Variants in METTL15 observed in about 807,000 individuals in gnomAD.
METTL15 encodes 12S rRNA N(4)-cytidine methyltransferase METTL15.
METTL15 carries 34 observed loss-of-function variants against 38.3 expected under a neutral mutation model. The ratio of observed to expected loss-of-function variants is 0.89; its 90% CI spans 0.68 to 1.18. The LOEUF is 1.18. METTL15 is among the 50% of genes most tolerant of loss of function. The pLI is 0.00. For synonymous variants in METTL15, 162 were observed against 170.9 expected (o/e 0.95, Z 0.41); for missense variants, 438 against 498.4 (o/e 0.88, Z 1.15).
chr11:28,421,921 A>G (rs1850823848), intron 5 of METTL15, among the ~76,000 whole-genome samples: 2 of 152,122 alleles, frequency 1.3e-5, no homozygotes, highest in South Asian at 4.1e-4. Context: ...TAATGATATG[A>G]TCTTATATTT....
At chr11:28,512,287 C>T (rs914895385) in intron 6 of METTL15, among the ~76,000 whole-genome samples, 6 of 152,374 alleles carry the variant, frequency 3.9e-5, no homozygotes, top group Admixed American at 1.3e-4. Flanking sequence ...GGATCCCGCA[C>T]CGGGGCAGCA....
At chr11:28,378,620 G>C (rs547710641) in intron 5 of METTL15, among the ~76,000 whole-genome samples, 1 of 152,162 alleles carries the variant, frequency 6.6e-6, no homozygotes, top group Non-Finnish European at 1.5e-5. Context: ...CTTCTTCTGC[G>C]TCGCTCAGGC....
intron 6 of METTL15, among the ~76,000 whole-genome samples, chr11:28,324,762 AC>A (rs1849577292): frequency 6.6e-6 from 1 of 152,124 alleles, no homozygotes; most frequent in Non-Finnish European, 1.5e-5. Context: ...CTCTTTATAG[AC>A]CCACGCTGTC....
At chr11:28,208,677 G>T (rs1229026030) in intron 3 of METTL15, among the ~76,000 whole-genome samples, 1 of 152,042 alleles carries the variant, frequency 6.6e-6, no homozygotes, top group Non-Finnish European at 1.5e-5. Context: ...TTAACTTTTT[G>T]TCTCCTTGAT....
intron 6 of METTL15, among the ~76,000 whole-genome samples, chr11:28,493,630 C>T (rs140679093): frequency 9.2e-4 from 140 of 152,300 alleles, no homozygotes; most frequent in Non-Finnish European, 1.7e-3. Flanking sequence ...CATCAATTCA[C>T]TTGCTGTTCC....
intron 5 of METTL15, among the ~76,000 whole-genome samples, chr11:28,422,329 A>C (rs1227333044): frequency 5.3e-5 from 8 of 152,060 alleles, no homozygotes; most frequent in South Asian, 4.1e-4. Context: ...CAGAAATAGA[A>C]AAAAACAATC....
At chr11:28,366,588 T>C (rs909850916) in intron 5 of METTL15, among the ~76,000 whole-genome samples, 12 of 152,254 alleles carry the variant, frequency 7.9e-5, no homozygotes, top group African/African-American at 2.6e-4. Context: ...GGAGCCTACC[T>C]AGTAGGGCTT....
chr11:28,268,088 T>G (rs1855498772), intron 4 of METTL15, among the ~76,000 whole-genome samples: 2 of 143,500 alleles, frequency 1.4e-5, no homozygotes, highest in Admixed American at 1.5e-4. Context: ...TCCCAGCTAC[T>G]TGGGAGGCTG....
chr11:28,295,327 G>T (rs1856691598), intron 5 of METTL15, among the ~76,000 whole-genome samples: 2 of 152,100 alleles, frequency 1.3e-5, no homozygotes, highest in African/African-American at 4.8e-5. Context: ...AGCAGGACCA[G>T]GATTCTAATC....
At chr11:28,249,725 A>AT (rs762299783) in intron 4 of METTL15, among the ~76,000 whole-genome samples, 1,702 of 147,646 alleles carry the variant, frequency 0.012, 17 homozygotes, top group Middle Eastern at 0.038. Context: ...CACTAAGGAG[A>AT]TTTTTTTTTT....
chr11:28,217,530 T>A (rs1852948406), intron 4 of METTL15, among the ~76,000 whole-genome samples: 1 of 152,172 alleles, frequency 6.6e-6, no homozygotes, highest in South Asian at 2.1e-4. Flanking sequence ...CTGATGGTAG[T>A]TTCTTTTGCT....
intron 5 of METTL15, 103 bp downstream of exon 5, chr11:28,290,500 A>T (rs779523905): frequency 1.1e-6 from 1 of 943,704 alleles, no homozygotes; most frequent in Non-Finnish European, 1.6e-6. Context: ...TTACATGCCT[A>T]CACCTAACAC....
chr11:28,189,547 A>G (rs1405382741), intron 3 of METTL15, among the ~76,000 whole-genome samples: 2 of 151,304 alleles, frequency 1.3e-5, no homozygotes, highest in East Asian at 1.9e-4. Context: ...AATGTGAACA[A>G]ATCTGAATTT....
intron 6 of METTL15, among the ~76,000 whole-genome samples, chr11:28,319,133 G>T (rs1565251221): frequency 6.6e-6 from 1 of 152,098 alleles, no homozygotes; most frequent in Admixed American, 6.6e-5. Context: ...CTTGCAACTC[G>T]ATGCATAGTG....
chr11:28,512,123 A>G (rs1009057152), intron 6 of METTL15, among the ~76,000 whole-genome samples: 91 of 152,264 alleles, frequency 6.0e-4, no homozygotes, highest in South Asian at 1.7e-3. Context: ...CCACTAGATT[A>G]TCTAGATATG....
chr11:28,237,859 A>G (rs1854079283), intron 4 of METTL15, among the ~76,000 whole-genome samples: 2 of 152,152 alleles, frequency 1.3e-5, no homozygotes, highest in South Asian at 2.1e-4. Flanking sequence ...GGAGTTTGCT[A>G]GAGGTCCACT....
chr11:28,110,721 A>G (rs549149908), intron 2 of METTL15, among the ~76,000 whole-genome samples: 90 of 152,298 alleles, frequency 5.9e-4, no homozygotes, highest in African/African-American at 2.1e-3. Context: ...TCCCTGCCAG[A>G]CAAAATTGAC....
In METTL15 at chr11:28,206,443, C is replaced by G. The variant is rs1339523183; in HGVS notation, c.271-4619C>G. Among the ~76,000 whole-genome samples, 7 of 152,064 alleles carry G rather than the reference C, an allele frequency of 4.6e-5. No individual in the cohort carries two copies. The East Asian group carries it at 5.8e-4, about 13-fold the overall frequency. ...AGATGTATGGTATTATTTCTGAGGG[C>G]TCTGTTCTGTTCCATTGGTCTATAT... On this transcript the variant is annotated intron_variant, in intron 3 of 6. Coordinates refer to ENST00000407364, the MANE Select transcript of METTL15 (RefSeq NM_001113528.2).
At position 28,143,668 on chromosome 11, in the gene METTL15, A is replaced by C. The variant is rs1205359479; in HGVS notation, c.270+30064A>C. Among the ~76,000 whole-genome samples, 3 of 152,326 alleles carry C rather than the reference A, an allele frequency of 2.0e-5. No homozygotes were observed. In the East Asian group the frequency reaches 5.8e-4, roughly 29 times the overall value. On this transcript the variant is annotated intron_variant, in intron 3 of 6. Transcript: ENST00000407364. ...CAGATGTTCCTTTGATGCCTTAGGA[A>C]GGGGAAAGTCAGAGAACAGTTATGG...
Sources: gnomAD v4.1 joint callset for allele counts (sites outside exome capture counted in the v4.1 genomes callset) on GRCh38, gnomAD v4.1.1 for gene constraint, MANE v1.5 for transcripts, NCBI Gene and HGNC (gene_info 2026-07-23, HGNC 2026-07-21) for gene names.